The following EYA2 variants were observed in gnomAD, a reference collection of about 807,000 sequenced individuals.
EYA2 encodes protein phosphatase EYA2.
Under a neutral mutation model 69.2 loss-of-function variants are expected in EYA2, and 31 were observed. The ratio of observed to expected loss-of-function variants is 0.45; its 90% confidence interval spans 0.34 to 0.60. The LOEUF is 0.60. Among genes scored for constraint, EYA2 ranks in the 20% least tolerant of loss-of-function variants. The pLI is 0.02. For synonymous variants in EYA2, 257 were observed against 279.4 expected (o/e 0.92, Z 0.80); for missense variants, 622 against 701.2 (o/e 0.89, Z 1.28).
intron 10 of EYA2, among the ~76,000 whole-genome samples, chr20:47,162,915 C>T (rs2034100185): frequency 6.6e-6 from 1 of 152,070 alleles, no homozygotes; most frequent in Admixed American, 6.6e-5. Flanking sequence ...CTGCTTCCAG[C>T]CAGATGTATG....
At chr20:46,989,880 A>G in intron 1 of EYA2, 121 bp from the exon 2 acceptor site, 1 of 514,126 alleles carries the variant, frequency 1.9e-6, no homozygotes, top group African/African-American at 1.9e-5. Flanking sequence ...TGTAGAATTT[A>G]TAAGAAGTCT....
At chr20:46,994,905 C>CT (rs3091998) in intron 2 of EYA2, among the ~76,000 whole-genome samples, 132,716 of 147,200 alleles carry the variant, frequency 0.9, 60,177 homozygotes, top group Non-Finnish European at 0.96. Context: ...CTAATTTGTT[C>CT]TTTTTTTTTT....
chr20:47,081,290 T>C (rs2031703532), intron 7 of EYA2, among the ~76,000 whole-genome samples: 1 of 152,044 alleles, frequency 6.6e-6, no homozygotes, highest in Non-Finnish European at 1.5e-5. Flanking sequence ...GTTATATACT[T>C]GAAACTTGCT....
intron 4 of EYA2, among the ~76,000 whole-genome samples, chr20:47,010,963 A>G (rs1434312342): frequency 6.6e-6 from 1 of 151,810 alleles, no homozygotes; most frequent in Non-Finnish European, 1.5e-5. Flanking sequence ...AATTTTTTGT[A>G]TTTTTAGTAG....
intron 5 of EYA2, among the ~76,000 whole-genome samples, chr20:47,068,173 G>A (rs937875001): frequency 2.0e-5 from 3 of 152,330 alleles, no homozygotes; most frequent in South Asian, 2.1e-4. Flanking sequence ...TCTCAGGATC[G>A]ATGTGAGGAT....
At chr20:47,071,251 T>C (rs2146471512) in intron 5 of EYA2, among the ~76,000 whole-genome samples, 1 of 152,074 alleles carries the variant, frequency 6.6e-6, no homozygotes, top group Admixed American at 6.5e-5. Context: ...CTCCTGATCC[T>C]CCCGTCTCAG....
intron 1 of EYA2, among the ~76,000 whole-genome samples, chr20:46,972,212 A>G (rs1457271735): frequency 6.6e-6 from 1 of 152,256 alleles, no homozygotes; most frequent in African/African-American, 2.4e-5. Context: ...GGTTTAAATA[A>G]CAGCAAAAAG....
At chr20:46,951,357 C>G (rs905836449) in intron 1 of EYA2, among the ~76,000 whole-genome samples, 1 of 152,136 alleles carries the variant, frequency 6.6e-6, no homozygotes, top group Non-Finnish European at 1.5e-5. Flanking sequence ...TTCCCTAAAG[C>G]TTATCCTAGC....
chr20:46,903,935 A>G (rs947024348), intron 1 of EYA2, among the ~76,000 whole-genome samples: 13 of 152,244 alleles, frequency 8.5e-5, no homozygotes, highest in African/African-American at 4.8e-5. Flanking sequence ...GCCTGCCTCC[A>G]TTCAATGTTC....
intron 5 of EYA2, among the ~76,000 whole-genome samples, chr20:47,042,175 T>C (rs981430899): frequency 6.6e-6 from 1 of 152,130 alleles, no homozygotes; most frequent in Non-Finnish European, 1.5e-5. Flanking sequence ...AACTACCATA[T>C]AAAGTAGAAA....
intron 5 of EYA2, among the ~76,000 whole-genome samples, chr20:47,030,756 C>T (rs1322533582): frequency 2.0e-5 from 3 of 152,042 alleles, no homozygotes; most frequent in African/African-American, 7.2e-5. Flanking sequence ...AGAGAAATCT[C>T]CGGTGTCTCC....
chr20:47,121,151 G>A (rs1377476885), intron 9 of EYA2, among the ~76,000 whole-genome samples: 1 of 152,152 alleles, frequency 6.6e-6, no homozygotes, highest in Non-Finnish European at 1.5e-5. Flanking sequence ...TTGGAGTGCA[G>A]TGGCACAACC....
At position 46,993,629 on chromosome 20, in the gene EYA2, A is replaced by G. The variant is rs541733513; in HGVS notation, c.109+3510A>G. On this transcript the variant is annotated intron_variant, in intron 2 of 15. Coordinates refer to ENST00000327619, the MANE Select transcript of EYA2 (RefSeq NM_005244.5). ...CTAGGGAGACAGCATAGAAAACCCT[A>G]TCCTCATGGAGCCCACGCTAGGGTG... Among the ~76,000 whole-genome samples, 7 of 152,350 alleles carry G rather than the reference A, an allele frequency of 4.6e-5. No individual in the cohort carries two copies. In the South Asian group the frequency reaches 1.4e-3, roughly 32 times the overall value.
intron 9 of EYA2, among the ~76,000 whole-genome samples, chr20:47,104,794 G>A (rs541616362): frequency 1.3e-5 from 2 of 152,258 alleles, no homozygotes; most frequent in South Asian, 2.1e-4. Flanking sequence ...GTCCAGGCAG[G>A]TGGATTACAT....
intron 1 of EYA2, among the ~76,000 whole-genome samples, chr20:46,925,036 G>A (rs958836064): frequency 6.6e-6 from 1 of 152,204 alleles, no homozygotes; most frequent in African/African-American, 2.4e-5. Context: ...GTGGCCATCC[G>A]TCCTTGGCAT....
At chr20:47,062,203 A>G (rs888250678) in intron 5 of EYA2, among the ~76,000 whole-genome samples, 2 of 152,226 alleles carry the variant, frequency 1.3e-5, no homozygotes, top group African/African-American at 4.8e-5. Flanking sequence ...CCCCAGGAGC[A>G]CTTCCTCAGC....
chr20:47,116,191 T>A, intron 9 of EYA2, among the ~76,000 whole-genome samples: 1 of 147,464 alleles, frequency 6.8e-6, no homozygotes, highest in Admixed American at 6.7e-5. Context: ...TTTTTTTTTT[T>A]TTTGAGATGG....
rs765007512 is a variant in EYA2, at chr20:47,016,296, C to T, written c.414C>T (p.His138=). 1.6e-5 allele frequency: 25 copies of T among 1,611,720 alleles called. No homozygotes were observed. The highest frequency in any genetic ancestry group is 3.3e-5 in the Admixed American group (2 of 60,008). Residue 138 remains histidine (H), a splice_region_variant and synonymous_variant, in exon 5 of 16, where the codon CAC becomes CAT. Coordinates refer to ENST00000327619, the MANE Select transcript of EYA2 (RefSeq NM_005244.5). ...AGAGCCCATACACCTACCAGATGCACGGTCAGTGTGGCGCTGTGGCCCCTT... is the reference window on the plus strand; with the variant it reads ...AGAGCCCATACACCTACCAGATGCATGGTCAGTGTGGCGCTGTGGCCCCTT... The part of the protein sequence containing the change: ...TGQSPYTYQM[H]GTTGFYQGGN...
intron 7 of EYA2, among the ~76,000 whole-genome samples, chr20:47,077,122 G>A (rs1025061490): frequency 6.6e-6 from 1 of 152,110 alleles, no homozygotes; most frequent in Admixed American, 6.5e-5. Flanking sequence ...AAAACCTAGA[G>A]CATTGTAACT....
Sources: gnomAD v4.1 joint callset for allele counts (sites outside exome capture counted in the v4.1 genomes callset) on GRCh38, gnomAD v4.1.1 for gene constraint, MANE v1.5 for transcripts, NCBI Gene and HGNC (gene_info 2026-07-23, HGNC 2026-07-21) for gene names.